The following IQCM variants were observed in gnomAD, a reference collection of about 807,000 sequenced individuals.
IQCM encodes the protein IQ motif containing M.
In IQCM, 45 loss-of-function variants were observed where a neutral mutation model predicts 57.6. That is an observed-to-expected ratio of 0.78 (90% confidence interval 0.62 to 1.00). The LOEUF is 1.00. IQCM is among the 50% of genes least tolerant of loss of function. The pLI, the probability that IQCM is intolerant of heterozygous loss-of-function variation, is 0.00. For synonymous variants in IQCM, 148 were observed against 158.9 expected, an observed-to-expected ratio of 0.93 and a Z score of 0.51; for missense variants, 468 against 511.6, an observed-to-expected ratio of 0.91 and a Z score of 0.82.
At chr4:149,643,779 G>T (rs2150120246) in intron 7 of IQCM, among the ~76,000 whole-genome samples, 1 of 152,196 alleles carries the variant, frequency 6.6e-6, no homozygotes, top group East Asian at 1.9e-4. Context: ...TTAATACTGT[G>T]GCCTTTTCCT....
intron 8 of IQCM, among the ~76,000 whole-genome samples, chr4:149,597,976 C>A (rs562172314): frequency 6.6e-6 from 1 of 152,134 alleles, no homozygotes; most frequent in South Asian, 2.1e-4. Flanking sequence ...AAAAGAGAGA[C>A]AACTTGACAA....
intron 13 of IQCM, among the ~76,000 whole-genome samples, chr4:149,368,793 TACATATATATAC>T (rs1730044430): frequency 4.6e-5 from 5 of 109,626 alleles, no homozygotes; most frequent in Non-Finnish European, 7.8e-5. Context: ...TGTATATATA[TACATATATATAC>T]ATGTATATAT....
At chr4:149,396,013 A>G (rs1021947411) in intron 13 of IQCM, among the ~76,000 whole-genome samples, 5 of 152,020 alleles carry the variant, frequency 3.3e-5, no homozygotes, top group Non-Finnish European at 7.4e-5. Context: ...GCAAAAAATG[A>G]CAAGATTTTT....
At chr4:149,726,081 A>T (rs1465111492) in intron 5 of IQCM, among the ~76,000 whole-genome samples, 2 of 123,462 alleles carry the variant, frequency 1.6e-5, no homozygotes, top group Non-Finnish European at 3.7e-5. Flanking sequence ...AAAAGAAAGA[A>T]AGAAAGAAAG....
chr4:149,752,718 T>C (rs180879520), intron 2 of IQCM, among the ~76,000 whole-genome samples: 312 of 152,270 alleles, frequency 2.0e-3, no homozygotes, highest in African/African-American at 7.3e-3. Context: ...AGAAGCCAAG[T>C]AGAGGCAACC....
chr4:149,526,379 T>C (rs1238706901), intron 12 of IQCM, among the ~76,000 whole-genome samples: 1 of 151,978 alleles, frequency 6.6e-6, no homozygotes, highest in Non-Finnish European at 1.5e-5. Context: ...ACAATGACCA[T>C]AAACATGTAC....
chr4:149,789,996 C>T (rs1314320807), intron 2 of IQCM: 7 of 354,334 alleles, frequency 2.0e-5, no homozygotes, highest in Admixed American at 7.5e-5. Context: ...TACTCAGAAA[C>T]GAGTTTCCAA....
intron 10 of IQCM, among the ~76,000 whole-genome samples, chr4:149,560,827 G>A (rs903286527): frequency 2.6e-5 from 4 of 152,100 alleles, no homozygotes; most frequent in Non-Finnish European, 5.9e-5. Context: ...ACTCTGAAGT[G>A]GCAGTAAAGC....
At chr4:149,729,099 T>C (rs1766223334) in intron 5 of IQCM, among the ~76,000 whole-genome samples, 1 of 152,206 alleles carries the variant, frequency 6.6e-6, no homozygotes, top group African/African-American at 2.4e-5. Flanking sequence ...TATAGAATTC[T>C]ATTGGAAAGT....
intron 3 of IQCM, among the ~76,000 whole-genome samples, chr4:149,738,190 C>T (rs1767120420): frequency 6.6e-6 from 1 of 152,150 alleles, no homozygotes. Flanking sequence ...GAGTTCCTTG[C>T]TGCTCTTTTC....
chr4:149,377,752 T>C (rs1158625683), intron 13 of IQCM, among the ~76,000 whole-genome samples: 2 of 152,166 alleles, frequency 1.3e-5, no homozygotes, highest in African/African-American at 2.4e-5. Context: ...CAATTTTGCA[T>C]TCAGAGACAT....
intron 2 of IQCM, among the ~76,000 whole-genome samples, chr4:149,772,870 A>G (rs1157210982): frequency 6.6e-6 from 1 of 152,202 alleles, no homozygotes; most frequent in Non-Finnish European, 1.5e-5. Context: ...CACTTTGTGT[A>G]TAAACACTTT....
chr4:149,428,464 C>A (rs1734605694), intron 13 of IQCM, among the ~76,000 whole-genome samples: 1 of 151,748 alleles, frequency 6.6e-6, no homozygotes, highest in Admixed American at 6.6e-5. Context: ...AGGAGGGATT[C>A]TGAAGAATAC....
At chr4:149,637,788 A>C (rs1757852243) in intron 7 of IQCM, among the ~76,000 whole-genome samples, 1 of 152,220 alleles carries the variant, frequency 6.6e-6, no homozygotes, top group Non-Finnish European at 1.5e-5. Context: ...TCTCCTCAAC[A>C]AATGGTACTA....
chr4:149,777,460 T>C (rs1479564948), intron 2 of IQCM, among the ~76,000 whole-genome samples: 3 of 152,202 alleles, frequency 2.0e-5, no homozygotes, highest in Non-Finnish European at 2.9e-5. Flanking sequence ...TCTAAAAAGA[T>C]AGCAAACTCT....
chr4:149,511,630 T>A (rs1230857695), intron 12 of IQCM, among the ~76,000 whole-genome samples: 1 of 152,050 alleles, frequency 6.6e-6, no homozygotes, highest in African/African-American at 2.4e-5. Flanking sequence ...TGGTGACATA[T>A]CTCTGTGCTC....
chr4:149,794,268 G>A lies in IQCM; in HGVS notation c.-49+21043C>T, dbSNP rs537713059. On this transcript the variant is annotated intron_variant, in intron 2 of 13. Transcript: ENST00000636793. ...AATCCCTCCCACATTTTCACTTTCA[G>A]ACAACTGGCAGAAATGCCATATGAC... 2.0e-5 allele frequency among the ~76,000 whole-genome samples: 3 copies of A among 152,306 alleles called. No homozygotes were observed. In the South Asian group the frequency reaches 6.2e-4, roughly 32 times the overall value.
rs553907645 is a variant in IQCM, at chr4:149,805,899, A to G, written c.-49+9412T>C. Reference sequence around the variant, plus strand: ...CATGTAACATCAGCTTAAAAATTCAATGTTGAAGATTAAATTATTTGTTTT... The same window carrying G: ...CATGTAACATCAGCTTAAAAATTCAGTGTTGAAGATTAAATTATTTGTTTT... On this transcript the variant is annotated intron_variant, in intron 2 of 13. Coordinates refer to ENST00000636793, the MANE Select transcript of IQCM (RefSeq NM_001363507.2). Among the ~76,000 whole-genome samples the G allele has an allele frequency of 2.2e-4, 34 of 152,076 alleles. No individual in the cohort carries two copies. In the South Asian group the frequency reaches 7.0e-3, roughly 31 times the overall value.
At position 149,543,635 on chromosome 4, in the gene IQCM, T is replaced by C. The variant is rs944718941; in HGVS notation, c.1228+4820A>G. On this transcript the variant is annotated intron_variant, in intron 12 of 13. Transcript: ENST00000636793. ...ATTGGGAGATATACCTAATGCTAGA[T>C]GACAAGTTAGTGGGTGCAGCGCACC... Among the ~76,000 whole-genome samples, 66 of 150,642 alleles carry C rather than the reference T, an allele frequency of 4.4e-4. 1 individual carries two copies. The highest frequency in any genetic ancestry group is 1.3e-4 in the Non-Finnish European group (9 of 67,604).
Sources: allele counts gnomAD v4.1 joint callset (sites outside exome capture counted in the v4.1 genomes callset), GRCh38; gene constraint gnomAD v4.1.1; transcripts MANE v1.5; gene names NCBI Gene and HGNC (gene_info 2026-07-23, HGNC 2026-07-21).